LEF1: variants seen among roughly 807,000 people sequenced by gnomAD.
The protein encoded by LEF1 is lymphoid enhancer binding factor 1, also known as lymphoid enhancer-binding factor 1.
In LEF1, 14 loss-of-function variants were observed where a neutral mutation model predicts 51.2. That is an observed-to-expected ratio of 0.27 (90% CI 0.18 to 0.43). LEF1 has a LOEUF of 0.43. LEF1 is among the 20% of genes least tolerant of loss of function. The probability of loss-of-function intolerance (pLI) is 1.00; values close to 1 mark genes in which losing one functional copy is unlikely to be tolerated. For missense variants in LEF1, 386 were observed against 512.0 expected (o/e 0.75, Z 2.37); for synonymous variants, 185 against 183.2 (o/e 1.01, Z -0.08).
chr4:108,157,470 T>C (rs777120515), intron 3 of LEF1, among the ~76,000 whole-genome samples: 5 of 152,140 alleles, frequency 3.3e-5, no homozygotes, highest in South Asian at 2.1e-4. Flanking sequence ...TTTTTACAGG[T>C]GAACATAACA....
At chr4:108,055,686 A>G (rs1737265288) in intron 11 of LEF1, among the ~76,000 whole-genome samples, 1 of 152,184 alleles carries the variant, frequency 6.6e-6, no homozygotes, top group African/African-American at 2.4e-5. Context: ...GCATTTCAAG[A>G]GGGTTTTAAT....
chr4:108,048,629 C>G lies in LEF1; in HGVS notation c.*129G>C. ...TCAGGGTAAAATTGATGTCAGTGTT[C>G]CTTTGGGGTCGACTGGGCAGGCCGT... On this transcript the variant is annotated 3_prime_UTR_variant, in exon 12 of 12. Transcript: ENST00000265165. The G allele has an allele frequency of 7.4e-7, 1 of 1,342,958 alleles. No homozygotes were observed. The highest frequency in any genetic ancestry group is 1.5e-5 in the African/African-American group (1 of 68,530). 83.2% of individuals were successfully genotyped at this position (1,342,958 alleles called of 1,614,324 possible). A position where few individuals can be genotyped will look rare whatever the true frequency, so the allele number is the denominator to read the frequency against.
At position 108,165,086 on chromosome 4, in the gene LEF1, G is replaced by T. The variant is rs1248703205; in HGVS notation, c.280+11C>A. 1.9e-6 allele frequency: 3 copies of T among 1,612,764 alleles called. No homozygotes were observed. Among genetic ancestry groups the T allele is most frequent in the South Asian group, 2.2e-5 (2 of 91,046 alleles). On this transcript the variant is annotated intron_variant, in intron 2 of 11. Coordinates refer to ENST00000265165, the MANE Select transcript of LEF1 (RefSeq NM_016269.5). ...CTGCTAAAGTCAGAAGAAGTAGAATGGGTGTCTTACCGTCATCGGGGTGTT... is the reference window on the plus strand; with the variant it reads ...CTGCTAAAGTCAGAAGAAGTAGAATTGGTGTCTTACCGTCATCGGGGTGTT...
rs1701477400 is a variant in LEF1 at position 108,081,688 on chromosome 4, G to C, written c.639-19C>G. On this transcript the variant is annotated intron_variant, in intron 5 of 11. Transcript: ENST00000265165. The stretch of plus-strand genomic sequence containing the variant: ...ACCTTGCCTGAGGTCACAGAAGAAA[G>C]GAACCCATCAATGACAAAACACCAG... 6.2e-7 allele frequency: 1 copy of C among 1,604,126 alleles called. No homozygotes were observed.
chr4:108,166,318 C>A, intron 1 of LEF1: 5 of 1,531,514 alleles, frequency 3.3e-6, no homozygotes, highest in Non-Finnish European at 4.4e-6. Context: ...TTCTTAAACG[C>A]GCTGTTTAAA....
chr4:108,105,449 G>A (rs1245668719), intron 3 of LEF1, among the ~76,000 whole-genome samples: 1 of 152,110 alleles, frequency 6.6e-6, no homozygotes, highest in Non-Finnish European at 1.5e-5. Context: ...TCAAAGTGAT[G>A]GGATTACAGG....
intron 3 of LEF1, among the ~76,000 whole-genome samples, chr4:108,123,678 A>G (rs1742328176): frequency 6.6e-6 from 1 of 152,040 alleles, no homozygotes; most frequent in Non-Finnish European, 1.5e-5. Context: ...TGTATTATGT[A>G]TATGTGATAT....
intron 3 of LEF1, among the ~76,000 whole-genome samples, chr4:108,131,804 A>G (rs538968464): frequency 6.6e-6 from 1 of 152,326 alleles, no homozygotes; most frequent in South Asian, 2.1e-4. Context: ...CTTAAAATGT[A>G]AAAACTCCCA....
At chr4:108,149,458 C>CAAAAAAAA (rs371482539) in intron 3 of LEF1, among the ~76,000 whole-genome samples, 25 of 60,588 alleles carry the variant, frequency 4.1e-4, no homozygotes, top group African/African-American at 1.2e-3. Flanking sequence ...GACTCCGTCT[C>CAAAAAAAA]AAAAAAAAAA....
At chr4:108,119,561 T>C (rs1439955674) in intron 3 of LEF1, among the ~76,000 whole-genome samples, 1 of 152,082 alleles carries the variant, frequency 6.6e-6, no homozygotes, top group Non-Finnish European at 1.5e-5. Context: ...AGGCAAAAGA[T>C]TAAAATAAAA....
intron 3 of LEF1, among the ~76,000 whole-genome samples, chr4:108,120,261 A>G (rs886492446): frequency 3.3e-4 from 50 of 151,854 alleles, no homozygotes; most frequent in African/African-American, 1.2e-3. Context: ...AAACTCCTGG[A>G]CTCAAGCAGT....
chr4:108,095,607 A>G (rs1740325262), intron 3 of LEF1, among the ~76,000 whole-genome samples: 1 of 152,162 alleles, frequency 6.6e-6, no homozygotes. Flanking sequence ...ACTTGGAGAA[A>G]ACTGATATTA....
intron 3 of LEF1, among the ~76,000 whole-genome samples, chr4:108,135,148 T>C (rs1743173167): frequency 6.6e-6 from 1 of 152,228 alleles, no homozygotes. Flanking sequence ...TAAAATCTAC[T>C]TTGAGCCCAG....
At chr4:108,057,474 A>C (rs1737380486) in intron 11 of LEF1, among the ~76,000 whole-genome samples, 1 of 152,098 alleles carries the variant, frequency 6.6e-6, no homozygotes, top group South Asian at 2.1e-4. Flanking sequence ...TATTTTTCTC[A>C]TTGAGACCAC....
intron 3 of LEF1, among the ~76,000 whole-genome samples, chr4:108,107,025 G>A (rs946450872): frequency 6.6e-6 from 1 of 152,146 alleles, no homozygotes; most frequent in African/African-American, 2.4e-5. Context: ...GGTCACTTGT[G>A]CATGATTGGA....
At chr4:108,147,704 C>A (rs1341662943) in intron 3 of LEF1, among the ~76,000 whole-genome samples, 1 of 152,160 alleles carries the variant, frequency 6.6e-6, no homozygotes, top group Non-Finnish European at 1.5e-5. Flanking sequence ...TGAATTCAGA[C>A]CACGTATTTC....
intron 7 of LEF1, among the ~76,000 whole-genome samples, chr4:108,079,072 T>G (rs1739106129): frequency 6.6e-6 from 1 of 152,270 alleles, no homozygotes; most frequent in Non-Finnish European, 1.5e-5. Context: ...CCTTGAATTC[T>G]GTGCTGTTGA....
At chr4:108,113,456 GT>G (rs1323995121) in intron 3 of LEF1, among the ~76,000 whole-genome samples, 2 of 152,160 alleles carry the variant, frequency 1.3e-5, no homozygotes, top group Non-Finnish European at 2.9e-5. Context: ...TGTTGTGGGG[GT>G]GGGAGGGAAA....
chr4:108,141,670 A>G (rs1743667739), intron 3 of LEF1, among the ~76,000 whole-genome samples: 1 of 152,218 alleles, frequency 6.6e-6, no homozygotes, highest in Admixed American at 6.5e-5. Context: ...GGCCGCAAGC[A>G]GTTGTGCGCC....
Sources: gnomAD v4.1 joint callset for allele counts (sites outside exome capture counted in the v4.1 genomes callset) on GRCh38, gnomAD v4.1.1 for gene constraint, MANE v1.5 for transcripts, NCBI Gene and HGNC (gene_info 2026-07-23, HGNC 2026-07-21) for gene names.